The following PTPRJ variants were observed in gnomAD, a reference collection of about 807,000 sequenced individuals.
PTPRJ encodes receptor-type tyrosine-protein phosphatase eta.
In PTPRJ, 129 loss-of-function variants were observed where a neutral mutation model predicts 141.3. That is an observed-to-expected ratio of 0.91 (90% confidence interval 0.79 to 1.06). The LOEUF (loss-of-function observed/expected upper bound fraction) is 1.06. Ranked by LOEUF, PTPRJ falls within the 50% of genes least tolerant of loss-of-function variation. PTPRJ has a pLI of 0.00. For synonymous variants in PTPRJ, 610 were observed against 640.5 expected, an observed-to-expected ratio of 0.95 and a Z score of 0.72; for missense variants, 1,601 against 1,679.7, an observed-to-expected ratio of 0.95 and a Z score of 0.82.
rs746684291 is a variant in PTPRJ, at chr11:48,136,151, G to A, written c.1728G>A (p.Glu576=). ...ASEYVYHLVI[E]SKHGSNHTST... is the part of the protein sequence containing the mutation. Reference sequence around the variant, plus strand: ...AGTATGTCTACCATTTAGTCATAGAGTCCAAGCATGGCTCTAACCACACAA... The same window carrying A: ...AGTATGTCTACCATTTAGTCATAGAATCCAAGCATGGCTCTAACCACACAA... Residue 576 remains glutamate (E), a synonymous_variant, in exon 9 of 25, where the codon GAG becomes GAA. Transcript: ENST00000418331. The A allele has an allele frequency of 6.2e-7, 1 of 1,614,182 alleles. No individual in the cohort carries two copies. Among genetic ancestry groups the A allele is most frequent in the South Asian group, 1.1e-5 (1 of 91,086 alleles).
At chr11:48,036,024 T>TA (rs1177051103) in intron 1 of PTPRJ, among the ~76,000 whole-genome samples, 1 of 152,240 alleles carries the variant, frequency 6.6e-6, no homozygotes, top group African/African-American at 2.4e-5. Flanking sequence ...ATGGTCTACT[T>TA]AATAGTGCAT....
intron 11 of PTPRJ, 33 bp from the exon 12 acceptor site, chr11:48,142,886 T>G: frequency 6.3e-7 from 1 of 1,595,228 alleles, no homozygotes; most frequent in Non-Finnish European, 8.5e-7. Flanking sequence ...TTTTCAATAT[T>G]GGGTGATCAT....
chr11:48,131,432 G>A, intron 8 of PTPRJ: 1 of 762,980 alleles, frequency 1.3e-6, no homozygotes, highest in Non-Finnish European at 2.4e-6. Flanking sequence ...ATCTGTACAT[G>A]TGGTTTTGTA....
In PTPRJ at chr11:47,981,812, G is replaced by T. The variant is rs543624967; in HGVS notation, c.96+804G>T. Reference sequence around the variant, plus strand: ...GCTGAAGGGGCATTCCCATTTCACAGATGGGGAACTGAGGGAGAGAAGTGA... The same window carrying T: ...GCTGAAGGGGCATTCCCATTTCACATATGGGGAACTGAGGGAGAGAAGTGA... On this transcript the variant is annotated intron_variant, in intron 1 of 24. Coordinates refer to ENST00000418331, the MANE Select transcript of PTPRJ (RefSeq NM_002843.4). Among the ~76,000 whole-genome samples the T allele has an allele frequency of 1.8e-4, 28 of 152,302 alleles. No homozygotes were observed. The South Asian group carries it at 5.8e-3, about 32-fold the overall frequency.
chr11:48,154,181 C>T (rs1412996891), intron 19 of PTPRJ, among the ~76,000 whole-genome samples: 1 of 152,216 alleles, frequency 6.6e-6, no homozygotes, highest in Non-Finnish European at 1.5e-5. Context: ...CAGGTAGTGA[C>T]GGGAAAACTC....
chr11:48,091,434 G>A (rs998257737), intron 1 of PTPRJ, among the ~76,000 whole-genome samples: 4 of 152,154 alleles, frequency 2.6e-5, no homozygotes, highest in Non-Finnish European at 1.5e-5. Flanking sequence ...AAGTGTGTGT[G>A]TATATTTAAA....
At chr11:48,125,231 A>C (rs1236169632) in intron 6 of PTPRJ, 45 bp downstream of exon 6, 16 of 1,587,822 alleles carry the variant, frequency 1.0e-5, no homozygotes, top group Non-Finnish European at 1.4e-5. Flanking sequence ...GTTTCCTAGC[A>C]CAATGTTCTG....
At chr11:48,054,989 A>G (rs1018797557) in intron 1 of PTPRJ, among the ~76,000 whole-genome samples, 3 of 151,996 alleles carry the variant, frequency 2.0e-5, no homozygotes, top group Non-Finnish European at 4.4e-5. Flanking sequence ...GTTCAAGACC[A>G]GCCTGGGCAA....
At chr11:48,005,696 A>G (rs1029935685) in intron 1 of PTPRJ, among the ~76,000 whole-genome samples, 6 of 152,092 alleles carry the variant, frequency 3.9e-5, no homozygotes, top group African/African-American at 7.2e-5. Flanking sequence ...CGGGTTTTCA[A>G]TGTGGGAGGA....
chr11:48,006,084 G>A (rs1854613542), intron 1 of PTPRJ, among the ~76,000 whole-genome samples: 1 of 152,224 alleles, frequency 6.6e-6, no homozygotes, highest in Non-Finnish European at 1.5e-5. Flanking sequence ...TGTGGGATAA[G>A]AGGAGATGTT....
chr11:48,016,437 C>G (rs1832933443), intron 1 of PTPRJ, among the ~76,000 whole-genome samples: 1 of 152,226 alleles, frequency 6.6e-6, no homozygotes, highest in Admixed American at 6.5e-5. Flanking sequence ...ACAAAAAACT[C>G]TGGCTTGCTG....
rs146294071 is a variant in PTPRJ at position 48,112,808 on chromosome 11, G to A, written c.177G>A (p.Thr59=). 49 of 1,614,196 alleles carry A rather than the reference G, an allele frequency of 3.0e-5. No homozygotes were observed. In the African/African-American group the frequency reaches 5.5e-4, roughly 18 times the overall value. Residue 59 remains threonine (T), a synonymous_variant, in exon 3 of 25, where the codon ACG becomes ACA. Transcript: ENST00000418331. ...ATVATGENGI[T]QISSTAESFH... is the part of the protein sequence containing the mutation. ...TTGCCACAGGGGAAAATGGCATAACGCAGATCAGCAGTACAGCAGAATCCT... is the reference window on the plus strand; with the variant it reads ...TTGCCACAGGGGAAAATGGCATAACACAGATCAGCAGTACAGCAGAATCCT...
At chr11:48,035,456 C>T (rs1854096065) in intron 1 of PTPRJ, among the ~76,000 whole-genome samples, 1 of 151,824 alleles carries the variant, frequency 6.6e-6, no homozygotes, top group African/African-American at 2.4e-5. Flanking sequence ...CCTGGTGAGC[C>T]CCCGGGATGA....
At chr11:47,985,100 C>T (rs1388642157) in intron 1 of PTPRJ, among the ~76,000 whole-genome samples, 1 of 151,868 alleles carries the variant, frequency 6.6e-6, no homozygotes, top group East Asian at 1.9e-4. Context: ...ATCTGCCCAC[C>T]TCGGCCTCCC....
At chr11:48,038,585 G>A (rs190069844) in intron 1 of PTPRJ, among the ~76,000 whole-genome samples, 127 of 151,780 alleles carry the variant, frequency 8.4e-4, no homozygotes, top group African/African-American at 2.9e-3. Context: ...TCCGCCTCCC[G>A]GATTCAAGTG....
At chr11:48,054,230 G>A (rs1225474978) in intron 1 of PTPRJ, among the ~76,000 whole-genome samples, 10 of 152,192 alleles carry the variant, frequency 6.6e-5, no homozygotes, top group South Asian at 2.1e-4. Context: ...CATGGCGCCC[G>A]GCCCTAGTTC....
intron 18 of PTPRJ, among the ~76,000 whole-genome samples, chr11:48,151,714 T>A (rs1188022364): frequency 6.6e-6 from 1 of 151,694 alleles, no homozygotes; most frequent in Non-Finnish European, 1.5e-5. Flanking sequence ...TTTCTGTCCT[T>A]GCGATCGTTT....
At chr11:48,035,539 T>C (rs1162897317) in intron 1 of PTPRJ, among the ~76,000 whole-genome samples, 1 of 6,628 alleles carries the variant, frequency 1.5e-4, no homozygotes, top group Non-Finnish European at 3.2e-4. Flanking sequence ...TTTCTTCTTC[T>C]TTTTTTTTTT....
intron 1 of PTPRJ, among the ~76,000 whole-genome samples, chr11:48,084,663 C>A (rs891714591): frequency 6.6e-6 from 1 of 152,142 alleles, no homozygotes; most frequent in Non-Finnish European, 1.5e-5. Context: ...GCTCTGACTG[C>A]TTGGTTCATG....
Sources: gnomAD v4.1 joint callset for allele counts (sites outside exome capture counted in the v4.1 genomes callset) on GRCh38, gnomAD v4.1.1 for gene constraint, MANE v1.5 for transcripts, NCBI Gene and HGNC (gene_info 2026-07-23, HGNC 2026-07-21) for gene names.